MINDY4: variants seen among roughly 807,000 people sequenced by gnomAD.
MINDY4 encodes MINDY lysine 48 deubiquitinase 4.
A neutral mutation model predicts 87.0 loss-of-function variants in MINDY4; 68 were observed. The ratio of observed to expected loss-of-function variants is 0.78; its 90% CI spans 0.64 to 0.96. MINDY4 has a LOEUF of 0.96. Ranked by LOEUF, MINDY4 falls within the 40% of genes least tolerant of loss-of-function variation. MINDY4 has a pLI of 0.00. For missense variants in MINDY4, 919 were observed against 928.2 expected, an observed-to-expected ratio of 0.99 and a Z score of 0.13; for synonymous variants, 379 against 363.2, an observed-to-expected ratio of 1.04 and a Z score of -0.50.
intron 5 of MINDY4, among the ~76,000 whole-genome samples, chr7:30,822,257 CA>C (rs1342200470): frequency 6.6e-6 from 1 of 151,670 alleles, no homozygotes; most frequent in African/African-American, 2.4e-5. Flanking sequence ...GGCTCACTGT[CA>C]CCTCCGTTTC....
chr7:30,854,518 G>A (rs1789514334), intron 12 of MINDY4, among the ~76,000 whole-genome samples: 1 of 151,398 alleles, frequency 6.6e-6, no homozygotes, highest in Non-Finnish European at 1.5e-5. Context: ...CGAAGCAGAG[G>A]AAGAACACAG....
intron 12 of MINDY4, 114 bp downstream of exon 12, chr7:30,853,573 G>C (rs1789483910): frequency 4.2e-6 from 4 of 942,630 alleles, no homozygotes; most frequent in Middle Eastern, 4.2e-4. Context: ...CTGGGATGGC[G>C]AGGAAGCTGG....
intron 4 of MINDY4, among the ~76,000 whole-genome samples, chr7:30,790,956 C>T (rs999160639): frequency 2.3e-4 from 35 of 152,296 alleles, no homozygotes; most frequent in African/African-American, 7.5e-4. Flanking sequence ...GAGGTTCCAG[C>T]AGGCGGGGTG....
intron 3 of MINDY4, among the ~76,000 whole-genome samples, chr7:30,785,405 C>T (rs1029043422): frequency 2.0e-5 from 3 of 152,124 alleles, no homozygotes; most frequent in South Asian, 4.1e-4. Context: ...GGCTGGGCTT[C>T]GCATACCGCA....
Position 30,840,804 on chromosome 7 carries a change from A to G in MINDY4, c.1401A>G (p.Leu467=), listed in dbSNP as rs956747738. The change falls in exon 9 of 18, where the codon CTA becomes CTG. Residue 467 remains leucine (L), a synonymous_variant. Coordinates refer to ENST00000265299, the MANE Select transcript of MINDY4 (RefSeq NM_032222.3). The part of the protein sequence containing the change: ...GVLAAVQGCV[L]QKLLFEGDSK... ...TGGCAGCTGTCCAAGGCTGTGTCCT[A>G]CAGAAACTCCTGTTTGAAGGAGATA... 3.1e-6 allele frequency: 5 copies of G among 1,614,156 alleles called. No homozygotes were observed. The highest frequency in any genetic ancestry group is 4.2e-6 in the Non-Finnish European group (5 of 1,180,014).
intron 9 of MINDY4, among the ~76,000 whole-genome samples, chr7:30,844,582 G>A (rs938238695): frequency 1.1e-4 from 17 of 152,322 alleles, no homozygotes; most frequent in African/African-American, 3.8e-4. Flanking sequence ...CTGCTGTCGG[G>A]GGCCTGGAGA....
chr7:30,878,550 G>T (rs1175984366), intron 15 of MINDY4, among the ~76,000 whole-genome samples: 1 of 152,222 alleles, frequency 6.6e-6, no homozygotes, highest in Admixed American at 6.5e-5. Context: ...AGGCTCACCG[G>T]TAAGGGGTGG....
chr7:30,780,717 A>T (rs1786987596), intron 2 of MINDY4: 1 of 152,202 alleles, frequency 6.6e-6, no homozygotes, highest in African/African-American at 2.4e-5. Flanking sequence ...TGAGATTTTG[A>T]AAAACAATAT....
intron 17 of MINDY4, among the ~76,000 whole-genome samples, chr7:30,886,490 C>A (rs996283783): frequency 6.6e-6 from 1 of 152,194 alleles, no homozygotes. Context: ...CCTTTGGGCA[C>A]CCCCTGTTAT....
At chr7:30,839,909 G>T (rs1000136353) in intron 8 of MINDY4, among the ~76,000 whole-genome samples, 1 of 152,112 alleles carries the variant, frequency 6.6e-6, no homozygotes, top group African/African-American at 2.4e-5. Context: ...CAGAAAATAA[G>T]CTAAACCCAG....
intron 6 of MINDY4, among the ~76,000 whole-genome samples, chr7:30,833,140 A>G (rs1788757335): frequency 6.6e-6 from 1 of 152,190 alleles, no homozygotes; most frequent in Admixed American, 6.5e-5. Flanking sequence ...ATGTAAGGCC[A>G]TGGTCATAGG....
chr7:30,816,987 G>T (rs1018084375), intron 5 of MINDY4, among the ~76,000 whole-genome samples: 2 of 152,170 alleles, frequency 1.3e-5, no homozygotes, highest in Non-Finnish European at 2.9e-5. Context: ...GTGATAGTTA[G>T]TGCACGCGAT....
At chr7:30,882,879 G>C in intron 16 of MINDY4, 42 bp from the exon 17 acceptor site, 1 of 1,595,112 alleles carries the variant, frequency 6.3e-7, no homozygotes, top group East Asian at 2.2e-5. Context: ...GGTGAGTGCA[G>C]GGCCCTGGGT....
At chr7:30,890,360 C>T (rs1040107004) in intron 17 of MINDY4, among the ~76,000 whole-genome samples, 1 of 152,338 alleles carries the variant, frequency 6.6e-6, no homozygotes, top group Non-Finnish European at 1.5e-5. Flanking sequence ...ATGGTATGCA[C>T]GATCTATCCT....
intron 8 of MINDY4, 51 bp downstream of exon 8, chr7:30,839,367 T>C: frequency 8.6e-7 from 1 of 1,164,114 alleles, no homozygotes; most frequent in Non-Finnish European, 1.2e-6. Flanking sequence ...CCATCATGCA[T>C]AGGGGTGGGT....
At chr7:30,891,554 G>A (rs369262711) in intron 17 of MINDY4, among the ~76,000 whole-genome samples, 6 of 152,150 alleles carry the variant, frequency 3.9e-5, no homozygotes, top group Admixed American at 6.5e-5. Context: ...CCATTGTTTC[G>A]CACTCAGCCA....
intron 5 of MINDY4, among the ~76,000 whole-genome samples, chr7:30,824,982 T>TA (rs1554280923): frequency 1.6e-5 from 2 of 121,802 alleles, no homozygotes; most frequent in African/African-American, 9.5e-5. Flanking sequence ...TGCCTCTCTC[T>TA]GGGGGGCATG....
chr7:30,850,286 C>T (rs1789369527), intron 9 of MINDY4, among the ~76,000 whole-genome samples, 168 bp from the exon 10 acceptor site: 1 of 152,248 alleles, frequency 6.6e-6, no homozygotes, highest in Non-Finnish European at 1.5e-5. Context: ...GGAGACCCCT[C>T]TTTCCTGGGC....
chr7:30,838,244 G>C (rs1187576332), intron 7 of MINDY4, among the ~76,000 whole-genome samples: 1 of 152,194 alleles, frequency 6.6e-6, no homozygotes, highest in African/African-American at 2.4e-5. Context: ...TGATGCGTGG[G>C]TTGATGGGAA....
Sources: allele counts gnomAD v4.1 joint callset (sites outside exome capture counted in the v4.1 genomes callset), GRCh38; gene constraint gnomAD v4.1.1; transcripts MANE v1.5; gene names NCBI Gene and HGNC (gene_info 2026-07-23, HGNC 2026-07-21).